Variants in PTPN20 observed in about 807,000 individuals in gnomAD.
PTPN20 encodes tyrosine-protein phosphatase non-receptor type 20.
A neutral mutation model predicts 35.0 loss-of-function variants in PTPN20; 9 were observed. The ratio of observed to expected loss-of-function variants is 0.26; its 90% CI spans 0.15 to 0.45. The LOEUF (loss-of-function observed/expected upper bound fraction) is 0.45, where lower values mean the gene tolerates loss of function less well. PTPN20 is among the 20% of genes least tolerant of loss of function. The pLI, the probability that PTPN20 is intolerant of heterozygous loss-of-function variation, is 1.00. For synonymous variants in PTPN20, 32 were observed against 100.2 expected (o/e 0.32, Z 4.06); for missense variants, 111 against 312.5 (o/e 0.36, Z 4.86).
intron 7 of PTPN20, among the ~76,000 whole-genome samples, chr10:46,977,025 T>C (rs1431255913): frequency 1.3e-5 from 2 of 152,212 alleles, no homozygotes; most frequent in Non-Finnish European, 2.9e-5. Context: ...TTTGGTCAAA[T>C]ATTAGTCTAG....
intron 1 of PTPN20, among the ~76,000 whole-genome samples, chr10:46,929,514 A>C (rs2038875214): frequency 6.6e-6 from 1 of 151,748 alleles, no homozygotes; most frequent in South Asian, 2.1e-4. Context: ...AGAGTTCTTG[A>C]TGTGGACATG....
Position 46,983,457 on chromosome 10 carries a change from C to T in PTPN20, c.584-773C>T, listed in dbSNP as rs574957539. On this transcript the variant is annotated intron_variant, in intron 7 of 10. Coordinates refer to ENST00000374339, the MANE Select transcript of PTPN20 (RefSeq NM_001042357.5). ...GCCTCCTTTGCTGTGTGTGTTTCTG[C>T]TCTCACTGTGGGGATGGTGGTGGAA... is the stretch of plus-strand genomic sequence containing the variant. Among the ~76,000 whole-genome samples, 28 of 151,892 alleles carry T rather than the reference C, an allele frequency of 1.8e-4. 1 individual carries two copies. Among genetic ancestry groups the T allele is most frequent in the Middle Eastern group, 3.4e-3 (1 of 294 alleles).
rs1169879332 is a variant in PTPN20, at chr10:47,000,658, T to A, written c.1198-18T>A. 2.2e-5 allele frequency: 36 copies of A among 1,611,714 alleles called. No individual in the cohort carries two copies. The highest frequency in any genetic ancestry group is 5.3e-5 in the African/African-American group (4 of 74,788). ...CAATTACTTAACATTCTGTTGTTTT[T>A]TATATATATGTATATAGGAGCAGTA... On this transcript the variant is annotated intron_variant, in intron 10 of 10. Transcript: ENST00000374339.
chr10:46,938,350 G>C, intron 2 of PTPN20, among the ~76,000 whole-genome samples: 1 of 97,366 alleles, frequency 1.0e-5, no homozygotes, highest in Non-Finnish European at 2.0e-5. Context: ...CTTTTTTATA[G>C]GTGGCCCTAA....
chr10:46,965,911 C>CTTTTTGG (rs2050435478), intron 6 of PTPN20, among the ~76,000 whole-genome samples: 1 of 22,376 alleles, frequency 4.5e-5, no homozygotes, highest in East Asian at 2.6e-3. Context: ...TTTTTTTTTT[C>CTTTTTGG]TTATTGGTTA....
chr10:46,929,686 G>A lies in PTPN20; in HGVS notation c.-123-2691G>A, dbSNP rs1347965126. 2.0e-5 allele frequency among the ~76,000 whole-genome samples: 3 copies of A among 149,560 alleles called. No homozygotes were observed. In the East Asian group the frequency reaches 5.9e-4, roughly 29 times the overall value. ...CCTCAAGATGCTTATGGTCCAACCC[G>A]AGGAGATGAGTCCAGAAATCATTAT... On this transcript the variant is annotated intron_variant, in intron 1 of 10. Transcript: ENST00000374339.
chr10:46,975,757 G>A (rs2053358910), intron 7 of PTPN20, among the ~76,000 whole-genome samples: 1 of 152,110 alleles, frequency 6.6e-6, no homozygotes, highest in African/African-American at 2.4e-5. Context: ...TGCCTCCTGG[G>A]TTCAAGCGAT....
chr10:46,940,605 C>G lies in PTPN20; in HGVS notation c.35-18C>G. On this transcript the variant is annotated intron_variant, in intron 2 of 10. Coordinates refer to ENST00000374339, the MANE Select transcript of PTPN20 (RefSeq NM_001042357.5). ...AGTGTTTTCTATTTGATCAGTTTTT[C>G]CCCCCGCCTTTGTTCAGTAAACGAT... 6.3e-7 allele frequency: 1 copy of G among 1,599,630 alleles called. No homozygotes were observed. Among genetic ancestry groups the G allele is most frequent in the Non-Finnish European group, 8.5e-7 (1 of 1,170,370 alleles).
intron 5 of PTPN20, among the ~76,000 whole-genome samples, chr10:46,947,208 A>ATG (rs1248177137): frequency 4.2e-5 from 5 of 120,208 alleles, no homozygotes; most frequent in African/African-American, 1.3e-4. Context: ...ATATATGTGT[A>ATG]TGTGTATATA....
At chr10:46,995,725 C>T (rs2058981592) in intron 9 of PTPN20, among the ~76,000 whole-genome samples, 1 of 152,142 alleles carries the variant, frequency 6.6e-6, no homozygotes, top group Non-Finnish European at 1.5e-5. Flanking sequence ...GGACAGGTTT[C>T]CTGCCAGGTA....
chr10:46,967,300 AC>A (rs2050960378), intron 6 of PTPN20, among the ~76,000 whole-genome samples: 1 of 126,572 alleles, frequency 7.9e-6, no homozygotes, highest in Admixed American at 7.8e-5. Flanking sequence ...TGTCATTTAT[AC>A]TACTGTCTCC....
intron 5 of PTPN20, among the ~76,000 whole-genome samples, chr10:46,953,586 T>TA (rs2047504410): frequency 1.4e-5 from 2 of 138,276 alleles, no homozygotes; most frequent in Non-Finnish European, 3.0e-5. Flanking sequence ...GGAGCCTTCC[T>TA]ATTATCCTAG....
At chr10:46,951,559 C>T (rs2046681725) in intron 5 of PTPN20, among the ~76,000 whole-genome samples, 2 of 152,168 alleles carry the variant, frequency 1.3e-5, no homozygotes, top group South Asian at 4.1e-4. Flanking sequence ...CCTAAATTTT[C>T]TTCAGAATTT....
At chr10:46,952,717 A>G (rs1358907541) in intron 5 of PTPN20, among the ~76,000 whole-genome samples, 9,346 of 149,772 alleles carry the variant, frequency 0.062, 151 homozygotes, top group Non-Finnish European at 0.091. Flanking sequence ...TTCTGCCTAA[A>G]TTGGGTGGTT....
At chr10:46,957,622 T>C (rs2048796201) in intron 5 of PTPN20, among the ~76,000 whole-genome samples, 2 of 151,580 alleles carry the variant, frequency 1.3e-5, no homozygotes. Context: ...TCCCAGCTAC[T>C]TGGGAGGCTG....
intron 5 of PTPN20, among the ~76,000 whole-genome samples, chr10:46,949,349 A>G (rs2045980998): frequency 1.3e-5 from 2 of 152,230 alleles, no homozygotes; most frequent in Non-Finnish European, 1.5e-5. Flanking sequence ...ACATCCAGCT[A>G]TCAGCAGTGC....
At chr10:46,940,452 A>G (rs1346244173) in intron 2 of PTPN20, 171 bp from the exon 3 acceptor site, 20 of 647,986 alleles carry the variant, frequency 3.1e-5, no homozygotes, top group Non-Finnish European at 5.2e-5. Flanking sequence ...ATTTTTTCAA[A>G]GCAGGGGAGA....
At chr10:46,983,130 A>C (rs1333214350) in intron 7 of PTPN20, among the ~76,000 whole-genome samples, 1 of 142,850 alleles carries the variant, frequency 7.0e-6, no homozygotes, top group Admixed American at 7.5e-5. Context: ...AGGCTGAAGT[A>C]CAGTGGCGCG....
chr10:46,923,521 A>G lies in PTPN20; in HGVS notation c.-123-8856A>G, dbSNP rs189279369. Among the ~76,000 whole-genome samples the G allele has an allele frequency of 7.7e-3, 1,159 of 149,656 alleles. 62 individuals carry two copies. The highest frequency in any genetic ancestry group is 0.027 in the African/African-American group (1,082 of 39,586). On this transcript the variant is annotated intron_variant, in intron 1 of 10. Transcript: ENST00000374339. ...CTTCTTTACTAAAGATCGGTTGACTACATTTGTGTGGATATATTTATATGG... is the reference window on the plus strand; with the variant it reads ...CTTCTTTACTAAAGATCGGTTGACTGCATTTGTGTGGATATATTTATATGG...
Sources: allele counts gnomAD v4.1 joint callset (sites outside exome capture counted in the v4.1 genomes callset), GRCh38; gene constraint gnomAD v4.1.1; transcripts MANE v1.5; gene names NCBI Gene and HGNC (gene_info 2026-07-23, HGNC 2026-07-21).